Variants in TMEM163 observed in about 807,000 individuals in gnomAD.
TMEM163 encodes transmembrane protein 163.
In TMEM163, 17 loss-of-function variants were observed where a neutral mutation model predicts 29.3. That is an observed-to-expected ratio of 0.58 (90% confidence interval 0.40 to 0.87). The LOEUF (loss-of-function observed/expected upper bound fraction) is 0.87, where lower values mean the gene tolerates loss of function less well. TMEM163 is among the 40% of genes least tolerant of loss of function. The pLI is 0.00. For missense variants in TMEM163, 303 were observed against 381.5 expected, an observed-to-expected ratio of 0.79 and a Z score of 1.71; for synonymous variants, 157 against 160.6, an observed-to-expected ratio of 0.98 and a Z score of 0.17.
chr2:134,516,678 C>CATATATTCAT lies in TMEM163; in HGVS notation c.459-13682_459-13681insATGAATATAT, dbSNP rs1558930258. ...ACATATATTCATACATATAGTCATA[C>CATATATTCAT]ATATATGCATATATATGCATATATT... On this transcript the variant is annotated intron_variant, in intron 4 of 7. Transcript: ENST00000281924. Among the ~76,000 whole-genome samples the CATATATTCAT allele has an allele frequency of 4.9e-4, 67 of 137,528 alleles. 1 individual carries two copies. The highest frequency in any genetic ancestry group is 1.6e-3 in the African/African-American group (58 of 37,398). 90.2% of individuals were successfully genotyped at this position (137,528 alleles called of 152,430 possible).
At chr2:134,606,923 G>A (rs1205257382) in intron 2 of TMEM163, among the ~76,000 whole-genome samples, 1 of 148,040 alleles carries the variant, frequency 6.8e-6, no homozygotes, top group African/African-American at 2.7e-5. Context: ...CAGACCCCGA[G>A]AACTGTGCTG....
intron 2 of TMEM163, among the ~76,000 whole-genome samples, chr2:134,568,625 AAAG>A (rs1383461619): frequency 6.6e-6 from 1 of 151,640 alleles, no homozygotes; most frequent in African/African-American, 2.4e-5. Flanking sequence ...AAGAAAGAAA[AAAG>A]AAAGAAGAAA....
intron 4 of TMEM163, among the ~76,000 whole-genome samples, chr2:134,539,293 G>T (rs769302136): frequency 1.3e-4 from 20 of 151,982 alleles, no homozygotes; most frequent in Non-Finnish European, 2.1e-4. Flanking sequence ...TTAGAGAAAG[G>T]CAAGAGATGG....
intron 5 of TMEM163, among the ~76,000 whole-genome samples, chr2:134,497,447 A>C (rs777785238): frequency 2.6e-5 from 4 of 152,184 alleles, no homozygotes; most frequent in Non-Finnish European, 4.4e-5. Flanking sequence ...GTCTGGGCCC[A>C]GACACTGGCC....
intron 2 of TMEM163, among the ~76,000 whole-genome samples, chr2:134,694,580 T>C (rs144775608): frequency 1.4e-3 from 208 of 152,360 alleles, no homozygotes; most frequent in African/African-American, 4.9e-3. Flanking sequence ...TCCCTAAGAA[T>C]GCTCTCTTTA....
At chr2:134,620,269 T>G (rs1256245123) in intron 2 of TMEM163, among the ~76,000 whole-genome samples, 1 of 152,114 alleles carries the variant, frequency 6.6e-6, no homozygotes, top group Non-Finnish European at 1.5e-5. Flanking sequence ...TTTTTTTTTT[T>G]TTTTAAGATG....
intron 5 of TMEM163, among the ~76,000 whole-genome samples, chr2:134,495,651 A>G (rs2106484250): frequency 6.6e-6 from 1 of 152,336 alleles, no homozygotes; most frequent in South Asian, 2.1e-4. Context: ...CTTTGGCCTG[A>G]GCTCCTGCAC....
intron 2 of TMEM163, among the ~76,000 whole-genome samples, chr2:134,645,422 G>A (rs977295526): frequency 6.6e-6 from 1 of 152,150 alleles, no homozygotes; most frequent in African/African-American, 2.4e-5. Context: ...GGTCAGCAAG[G>A]CCAAAGATAC....
intron 2 of TMEM163, among the ~76,000 whole-genome samples, chr2:134,646,470 G>C (rs945264611): frequency 1.3e-5 from 2 of 150,614 alleles, no homozygotes; most frequent in African/African-American, 4.9e-5. Flanking sequence ...TTTATTTAGA[G>C]GCATAATTTC....
intron 2 of TMEM163, among the ~76,000 whole-genome samples, chr2:134,566,570 A>G (rs1311874005): frequency 2.0e-5 from 3 of 152,150 alleles, no homozygotes. Flanking sequence ...CTCAAAAAAA[A>G]AATTTTTTTT....
chr2:134,473,954 C>T (rs1253891787), intron 5 of TMEM163, among the ~76,000 whole-genome samples: 1 of 152,076 alleles, frequency 6.6e-6, no homozygotes, highest in African/African-American at 2.4e-5. Context: ...GGAGAAATAA[C>T]CAATTCTAAA....
Position 134,627,009 on chromosome 2 carries a change from G to A in TMEM163, c.323-74918C>T, listed in dbSNP as rs138253474. On this transcript the variant is annotated intron_variant, in intron 2 of 7. Transcript: ENST00000281924. ...CAGCGTTTAAGAGAGCCCATTTCAC[G>A]CCACTCTTGCCAACACAGAATATTA... Among the ~76,000 whole-genome samples the A allele has an allele frequency of 7.1e-4, 108 of 152,222 alleles. 2 individuals carry two copies. In the East Asian group the frequency reaches 0.017, roughly 24 times the overall value.
At chr2:134,658,506 T>C (rs1683672708) in intron 2 of TMEM163, among the ~76,000 whole-genome samples, 1 of 152,142 alleles carries the variant, frequency 6.6e-6, no homozygotes, top group Admixed American at 6.5e-5. Flanking sequence ...AAGCAGAGCC[T>C]ATGCCCCAGT....
At chr2:134,581,375 T>C (rs1212382417) in intron 2 of TMEM163, among the ~76,000 whole-genome samples, 1 of 152,250 alleles carries the variant, frequency 6.6e-6, no homozygotes, top group Non-Finnish European at 1.5e-5. Flanking sequence ...CATAAGTGTC[T>C]ACATGCAAAT....
chr2:134,602,134 G>T (rs960008997), intron 2 of TMEM163, among the ~76,000 whole-genome samples: 2 of 152,216 alleles, frequency 1.3e-5, no homozygotes, highest in Non-Finnish European at 2.9e-5. Context: ...AGTCTGAAAT[G>T]TCCGGTGAGA....
chr2:134,697,881 T>C (rs993198881), intron 2 of TMEM163, among the ~76,000 whole-genome samples: 1 of 152,238 alleles, frequency 6.6e-6, no homozygotes, highest in Non-Finnish European at 1.5e-5. Context: ...TACTGACCTA[T>C]AAATTCTCTG....
At chr2:134,681,847 A>G (rs111257677) in intron 2 of TMEM163, among the ~76,000 whole-genome samples, 4 of 152,212 alleles carry the variant, frequency 2.6e-5, no homozygotes, top group African/African-American at 9.6e-5. Context: ...GTTTTCACAT[A>G]CCCCAAAGCA....
At chr2:134,583,807 T>C (rs1681750313) in intron 2 of TMEM163, among the ~76,000 whole-genome samples, 1 of 152,160 alleles carries the variant, frequency 6.6e-6, no homozygotes, top group South Asian at 2.1e-4. Context: ...GGCCCATGGC[T>C]TGCTCTCTGC....
At chr2:134,699,981 G>A (rs1042870937) in intron 2 of TMEM163, among the ~76,000 whole-genome samples, 1 of 151,458 alleles carries the variant, frequency 6.6e-6, no homozygotes, top group Admixed American at 6.6e-5. Context: ...CTACATTTAA[G>A]GAATTCTGTG....
Sources: gnomAD v4.1 joint callset for allele counts (sites outside exome capture counted in the v4.1 genomes callset) on GRCh38, gnomAD v4.1.1 for gene constraint, MANE v1.5 for transcripts, NCBI Gene and HGNC (gene_info 2026-07-23, HGNC 2026-07-21) for gene names.